C8orf88: variants seen among roughly 807,000 people sequenced by gnomAD.
C8orf88 encodes uncharacterized protein C8orf88.
In C8orf88, 14 loss-of-function variants were observed where a neutral mutation model predicts 18.4. The ratio of observed to expected loss-of-function variants is 0.76; its 90% confidence interval spans 0.50 to 1.19. The LOEUF (loss-of-function observed/expected upper bound fraction) is 1.19, where lower values mean the gene tolerates loss of function less well. Among genes scored for constraint, C8orf88 ranks in the 50% most tolerant of loss-of-function variants. The pLI, the probability that C8orf88 is intolerant of heterozygous loss-of-function variation, is 0.00. For missense variants in C8orf88, 116 were observed against 134.7 expected (o/e 0.86, Z 0.69); for synonymous variants, 45 against 42.9 (o/e 1.05, Z -0.19).
chr8:90,974,596 C>T (rs1811322192), intron 3 of C8orf88, among the ~76,000 whole-genome samples: 1 of 151,926 alleles, frequency 6.6e-6, no homozygotes, highest in Non-Finnish European at 1.5e-5. Flanking sequence ...TTGTTTTAAG[C>T]CAAAATTTTC....
chr8:90,967,278 G>A (rs1250546254), intron 4 of C8orf88, among the ~76,000 whole-genome samples: 1 of 151,710 alleles, frequency 6.6e-6, no homozygotes, highest in Non-Finnish European at 1.5e-5. Context: ...ACTTGGACAT[G>A]GTATATAATC....
chr8:90,959,588 T>G (rs1233181147), intron 5 of C8orf88, among the ~76,000 whole-genome samples: 4 of 151,444 alleles, frequency 2.6e-5, no homozygotes, highest in Admixed American at 6.6e-5. Context: ...TTTAATTAAC[T>G]TTAAAAAGAA....
intron 2 of C8orf88, among the ~76,000 whole-genome samples, chr8:90,979,303 T>C (rs532558818): frequency 1.3e-5 from 2 of 152,198 alleles, no homozygotes; most frequent in South Asian, 4.1e-4. Flanking sequence ...GGGTGGGAGT[T>C]GCTGGAGAAA....
At chr8:90,967,328 T>C (rs937464334) in intron 4 of C8orf88, among the ~76,000 whole-genome samples, 1 of 151,878 alleles carries the variant, frequency 6.6e-6, no homozygotes, top group South Asian at 2.1e-4. Context: ...TAGTATTTTA[T>C]TGAGAATTTT....
intron 1 of C8orf88, among the ~76,000 whole-genome samples, chr8:90,983,435 C>T (rs1811461448): frequency 6.6e-6 from 1 of 151,838 alleles, no homozygotes; most frequent in Non-Finnish European, 1.5e-5. Flanking sequence ...TATTCTACAC[C>T]TGGCAATACT....
At chr8:90,975,471 G>A (rs916558913) in intron 3 of C8orf88, among the ~76,000 whole-genome samples, 4 of 151,706 alleles carry the variant, frequency 2.6e-5, no homozygotes, top group Admixed American at 2.6e-4. Flanking sequence ...GAACAGACAC[G>A]CCATCAAAAA....
upstream of C8orf88, chr8:90,985,344 C>G (rs1029991327): frequency 6.6e-6 from 1 of 151,430 alleles, no homozygotes; most frequent in Admixed American, 6.6e-5. Flanking sequence ...GGCGTGGCCT[C>G]GGGCGCTGAG....
chr8:90,981,858 A>C (rs768781445), intron 1 of C8orf88, among the ~76,000 whole-genome samples: 7 of 152,090 alleles, frequency 4.6e-5, no homozygotes, highest in Non-Finnish European at 8.8e-5. Flanking sequence ...ACTCCACTTG[A>C]TTTTGCACCT....
intron 4 of C8orf88, among the ~76,000 whole-genome samples, chr8:90,965,683 T>C (rs892366554): frequency 3.3e-5 from 5 of 151,810 alleles, no homozygotes; most frequent in African/African-American, 1.2e-4. Flanking sequence ...TCATACAAAG[T>C]ATGCCCTATG....
At chr8:90,976,996 T>C (rs1189930091) in intron 3 of C8orf88, among the ~76,000 whole-genome samples, 1 of 152,116 alleles carries the variant, frequency 6.6e-6, no homozygotes, top group Non-Finnish European at 1.5e-5. Flanking sequence ...AAAATGACTC[T>C]CTAGCAGACC....
intron 5 of C8orf88, among the ~76,000 whole-genome samples, chr8:90,959,812 T>C (rs2130296518): frequency 6.6e-6 from 1 of 151,462 alleles, no homozygotes; most frequent in African/African-American, 2.4e-5. Context: ...AGAAGAGTCC[T>C]AGCTGCCTTT....
chr8:90,980,275 A>G, intron 2 of C8orf88, 88 bp downstream of exon 2: 2 of 782,384 alleles, frequency 2.6e-6, no homozygotes, highest in African/African-American at 1.8e-5. Flanking sequence ...TCCACCTGAA[A>G]CAATACTTTA....
At chr8:90,970,038 G>A in intron 4 of C8orf88, among the ~76,000 whole-genome samples, 1 of 151,856 alleles carries the variant, frequency 6.6e-6, no homozygotes, top group Non-Finnish European at 1.5e-5. Flanking sequence ...TTTAGTAAAA[G>A]AGTTAACAAT....
upstream of C8orf88, chr8:90,985,244 C>CGGCGGGG (rs1191195286): frequency 2.7e-3 from 100 of 37,242 alleles, no homozygotes; most frequent in Non-Finnish European, 5.0e-3. Flanking sequence ...GCGGTGGCGG[C>CGGCGGGG]GGCGGGGGGC....
intron 4 of C8orf88, among the ~76,000 whole-genome samples, chr8:90,968,946 A>G (rs539521375): frequency 2.0e-5 from 3 of 151,634 alleles, no homozygotes; most frequent in African/African-American, 7.2e-5. Flanking sequence ...ACCCACTAGG[A>G]TTGCTTATAA....
rs937740187 is a variant in C8orf88, at chr8:90,980,364, T to C, written c.72A>G (p.Pro24=). 5 of 1,525,056 alleles carry C rather than the reference T, an allele frequency of 3.3e-6. No individual in the cohort carries two copies. In the African/African-American group the frequency reaches 4.2e-5, roughly 13 times the overall value. 94.5% of individuals were successfully genotyped at this position (1,525,056 alleles called of 1,614,324 possible). The change falls in exon 2 of 6, where the codon CCA becomes CCG. Residue 24 remains proline (P), a splice_region_variant and synonymous_variant. Transcript: ENST00000517562. ...ARPVRHLTSP[P]GAVFPFNFQN... is the part of the protein sequence containing the mutation. ...AGAACTGTACAATCTATTACTCACC[T>C]GGGGGAGAAGTCAGATGACGAACAG...
At chr8:90,968,882 G>A in intron 4 of C8orf88, among the ~76,000 whole-genome samples, 1 of 150,832 alleles carries the variant, frequency 6.6e-6, no homozygotes, top group Non-Finnish European at 1.5e-5. Flanking sequence ...CGAAAAAACA[G>A]TATCATAATC....
chr8:90,960,146 A>G (rs1487173761), intron 5 of C8orf88, among the ~76,000 whole-genome samples: 1 of 151,502 alleles, frequency 6.6e-6, no homozygotes, highest in Non-Finnish European at 1.5e-5. Context: ...TGAATATCCT[A>G]AGAGATGCAT....
intron 4 of C8orf88, among the ~76,000 whole-genome samples, chr8:90,961,928 T>C (rs933784571): frequency 2.6e-5 from 4 of 151,502 alleles, no homozygotes; most frequent in African/African-American, 9.7e-5. Context: ...AAGACCCTAT[T>C]ATATGCTGTC....
Sources: allele counts gnomAD v4.1 joint callset (sites outside exome capture counted in the v4.1 genomes callset), GRCh38; gene constraint gnomAD v4.1.1; transcripts MANE v1.5; gene names NCBI Gene and HGNC (gene_info 2026-07-23, HGNC 2026-07-21).